The following TASP1 variants were observed in gnomAD, a reference collection of about 807,000 sequenced individuals.
TASP1 encodes the protein threonine aspartase 1.
In TASP1, 16 loss-of-function variants were observed where a neutral mutation model predicts 56.6. The observed-to-expected ratio is 0.28, with a 90% confidence interval of 0.19 to 0.43. The LOEUF (loss-of-function observed/expected upper bound fraction) is 0.43, where lower values mean the gene tolerates loss of function less well. TASP1 is among the 20% of genes least tolerant of loss of function. TASP1 has a pLI of 1.00. For synonymous variants in TASP1, 179 were observed against 184.2 expected (o/e 0.97, Z 0.23); for missense variants, 393 against 511.6 (o/e 0.77, Z 2.24).
the TASP1 span, among the ~76,000 whole-genome samples, chr20:13,110,906 T>C: frequency 1.3e-5 from 2 of 152,066 alleles, no homozygotes; most frequent in African/African-American, 4.8e-5. Flanking sequence ...AAGTGAAGGC[T>C]GTTCAACTTT....
chr20:13,170,809 T>C, the TASP1 span, among the ~76,000 whole-genome samples: 1 of 152,196 alleles, frequency 6.6e-6, no homozygotes, highest in Non-Finnish European at 1.5e-5. Flanking sequence ...GGCCAAGAAC[T>C]AAGGCAAGGA....
chr20:13,216,764 G>T, the TASP1 span, among the ~76,000 whole-genome samples: 67 of 152,152 alleles, frequency 4.4e-4, no homozygotes, highest in African/African-American at 1.4e-3. Flanking sequence ...TAGGGGTCAG[G>T]TAGGGACTCT....
chr20:13,152,594 C>T, the TASP1 span, among the ~76,000 whole-genome samples: 2 of 152,288 alleles, frequency 1.3e-5, no homozygotes, highest in East Asian at 3.9e-4. Context: ...ATAATTATCC[C>T]ATGCTTAGAC....
At chr20:13,245,093 T>C in the TASP1 span, 3 of 152,354 alleles carry the variant, frequency 2.0e-5, no homozygotes, top group Admixed American at 2.0e-4. Flanking sequence ...CCACCCCATG[T>C]TGGTTAAATA....
rs201861608 is a variant in TASP1 at position 13,541,842 on chromosome 20, G to C, written c.676-7701C>G. 7.9e-5 allele frequency among the ~76,000 whole-genome samples: 12 copies of C among 152,132 alleles called. No homozygotes were observed. The East Asian group carries it at 2.3e-3, about 29-fold the overall frequency. ...GGTAAGCAAACACAACGGCAAACCTGCATATAAATTAAAACACACAGTGAA... is the reference window on the plus strand; with the variant it reads ...GGTAAGCAAACACAACGGCAAACCTCCATATAAATTAAAACACACAGTGAA... On this transcript the variant is annotated intron_variant, in intron 8 of 13. Coordinates refer to ENST00000337743, the MANE Select transcript of TASP1 (RefSeq NM_017714.3).
chr20:13,556,968 T>C (rs913790869), intron 8 of TASP1, among the ~76,000 whole-genome samples: 2 of 152,244 alleles, frequency 1.3e-5, no homozygotes, highest in Non-Finnish European at 2.9e-5. Flanking sequence ...AAATGTAAGG[T>C]CTCATTAGAG....
intron 10 of TASP1, among the ~76,000 whole-genome samples, chr20:13,487,212 T>C (rs1352200550): frequency 6.6e-6 from 1 of 152,164 alleles, no homozygotes; most frequent in African/African-American, 2.4e-5. Flanking sequence ...CTGACCTTCA[T>C]TTCTTTCCCC....
chr20:13,625,322 T>G (rs2048851695), intron 2 of TASP1, 70 bp from the exon 3 acceptor site: 2 of 1,314,358 alleles, frequency 1.5e-6, no homozygotes, highest in Admixed American at 4.0e-5. Flanking sequence ...ATATAAATAC[T>G]CCATATAAAC....
At chr20:13,321,821 G>A in the TASP1 span, among the ~76,000 whole-genome samples, 139 of 152,342 alleles carry the variant, frequency 9.1e-4, no homozygotes, top group Middle Eastern at 6.8e-3. Flanking sequence ...CGAAGTGTGT[G>A]TAGAGACAGG....
At chr20:13,579,788 AT>A (rs376806651) in intron 6 of TASP1, among the ~76,000 whole-genome samples, 3 of 152,122 alleles carry the variant, frequency 2.0e-5, no homozygotes, top group Non-Finnish European at 4.4e-5. Flanking sequence ...GATATTTGAG[AT>A]TTTTTTCATA....
the TASP1 span, chr20:13,270,616 C>A: frequency 1.2e-6 from 2 of 1,613,816 alleles, no homozygotes; most frequent in African/African-American, 2.7e-5. Context: ...TTCCCCAGAC[C>A]GCGATTCCGA....
chr20:13,591,258 C>T (rs969490751), intron 4 of TASP1, among the ~76,000 whole-genome samples: 4 of 151,888 alleles, frequency 2.6e-5, no homozygotes, highest in Admixed American at 6.6e-5. Flanking sequence ...CAACAATCCC[C>T]AAATAAAAGA....
At chr20:13,136,430 C>T in the TASP1 span, among the ~76,000 whole-genome samples, 3 of 151,716 alleles carry the variant, frequency 2.0e-5, no homozygotes, top group Admixed American at 6.6e-5. Context: ...AACCCTGTCT[C>T]TACCAAAACA....
the TASP1 span, among the ~76,000 whole-genome samples, chr20:13,292,645 T>C: frequency 1.2e-4 from 18 of 152,100 alleles, no homozygotes; most frequent in Non-Finnish European, 1.9e-4. Flanking sequence ...GTCCTAAGCC[T>C]CCTCCACCGG....
chr20:13,537,931 C>T (rs976690480), intron 8 of TASP1, among the ~76,000 whole-genome samples: 2 of 151,686 alleles, frequency 1.3e-5, no homozygotes, highest in East Asian at 3.9e-4. Flanking sequence ...AAAGTTAAGG[C>T]ACTTCCCACC....
the TASP1 span, among the ~76,000 whole-genome samples, chr20:13,369,376 G>A: frequency 6.6e-6 from 1 of 152,320 alleles, no homozygotes; most frequent in African/African-American, 2.4e-5. Context: ...AACCCAGGAG[G>A]TGGAGGTTGC....
At chr20:13,212,347 A>C in the TASP1 span, among the ~76,000 whole-genome samples, 1 of 152,204 alleles carries the variant, frequency 6.6e-6, no homozygotes, top group African/African-American at 2.4e-5. Flanking sequence ...AGAGTATTGC[A>C]GCATAAACAA....
At chr20:13,440,620 C>T (rs887799872) in intron 11 of TASP1, among the ~76,000 whole-genome samples, 4 of 149,928 alleles carry the variant, frequency 2.7e-5, no homozygotes, top group African/African-American at 7.4e-5. Flanking sequence ...TCACAGTATA[C>T]TATGTAGTTA....
chr20:13,328,609 T>C, the TASP1 span, among the ~76,000 whole-genome samples: 5 of 152,204 alleles, frequency 3.3e-5, no homozygotes, highest in African/African-American at 1.2e-4. Flanking sequence ...ATATACAACA[T>C]GGAATACTAT....
Sources: allele counts gnomAD v4.1 joint callset (sites outside exome capture counted in the v4.1 genomes callset), GRCh38; gene constraint gnomAD v4.1.1; transcripts MANE v1.5; gene names NCBI Gene and HGNC (gene_info 2026-07-23, HGNC 2026-07-21).